The following TBX22 variants were observed in gnomAD, a reference collection of about 807,000 sequenced individuals.
TBX22 encodes T-box transcription factor TBX22.
In TBX22, 8 loss-of-function variants were observed where a neutral mutation model predicts 30.1. That is an observed-to-expected ratio of 0.27 (90% CI 0.16 to 0.48). The LOEUF is 0.48. Ranked by LOEUF, TBX22 falls within the 20% of genes least tolerant of loss-of-function variation. TBX22 has a pLI of 0.99. For synonymous variants in TBX22, 173 were observed against 149.1 expected, an observed-to-expected ratio of 1.16 and a Z score of -1.17; for missense variants, 463 against 400.5, an observed-to-expected ratio of 1.16 and a Z score of -1.33.
Position 80,028,090 on chromosome X carries a change from G to A in TBX22, c.949+14G>A. The A allele has an allele frequency of 1.7e-6, 2 of 1,188,457 alleles. No homozygotes were observed. The highest frequency in any genetic ancestry group is 2.3e-6 in the Non-Finnish European group (2 of 876,467). On this transcript the variant is annotated intron_variant, in intron 8 of 8. Coordinates refer to ENST00000373296, the MANE Select transcript of TBX22 (RefSeq NM_001109878.2). ...CAGACACACAAAGTAAGAAAACTTGGAACGTTTGTTTTATTTTTACATATC... is the reference window on the plus strand; with the variant it reads ...CAGACACACAAAGTAAGAAAACTTGAAACGTTTGTTTTATTTTTACATATC...
chrX:80,023,271 TCA>T (rs765854929), intron 3 of TBX22, 31 bp downstream of exon 3: 297 of 1,181,381 alleles, frequency 2.5e-4, no homozygotes, highest in Non-Finnish European at 3.1e-4. Context: ...TTCACAAGGG[TCA>T]CACACATTAG....
chrX:80,023,300 T>C, intron 3 of TBX22, 60 bp downstream of exon 3: 1 of 1,080,414 alleles, frequency 9.3e-7, no homozygotes, highest in Non-Finnish European at 1.3e-6. Flanking sequence ...AATTTACCGC[T>C]CTGGTAAGAT....
intron 5 of TBX22, among the ~76,000 whole-genome samples, chrX:80,026,081 C>A (rs1468640856): frequency 9.0e-6 from 1 of 111,136 alleles, no homozygotes; most frequent in Non-Finnish European, 1.9e-5. Context: ...TTCTCAGGCA[C>A]CTTAGCCTCC....
chrX:80,022,097 A>G, intron 1 of TBX22, 171 bp from the exon 2 acceptor site: 1 of 467,274 alleles, frequency 2.1e-6, no homozygotes, highest in Non-Finnish European at 3.7e-6. Flanking sequence ...AGATCCAGAA[A>G]TTGTTTTTCA....
chrX:80,020,289 T>TTAGA (rs3048745), intron 1 of TBX22, among the ~76,000 whole-genome samples: 3,800 of 104,628 alleles, frequency 0.036, 100 homozygotes, highest in African/African-American at 0.077. Flanking sequence ...TAGAGATAGA[T>TTAGA]TAGATAGATA....
At chrX:80,022,518 C>T (rs759639633) in intron 2 of TBX22, 74 bp downstream of exon 2, 2 of 1,059,662 alleles carry the variant, frequency 1.9e-6, no homozygotes, top group Admixed American at 5.2e-5. Context: ...GCTCGCGTCC[C>T]GACGCAGCCA....
Position 80,030,564 on chromosome X carries a change from T to C in TBX22, c.1016T>C (p.Leu339Pro). ...GGAPSPLNSL[L>P]SPLCFSPMFH... is the part of the protein sequence containing the mutation. ...GCCCCCTCTCCTTTGAACTCCTTAC[T>C]TTCTCCACTTTGCTTTTCACCTATG... Residue 339 changes from leucine (L) to proline (P), a missense_variant, in exon 9 of 9, where the codon CTT becomes CCT. Coordinates refer to ENST00000373296, the MANE Select transcript of TBX22 (RefSeq NM_001109878.2). 1 of 1,211,493 alleles carries C rather than the reference T, an allele frequency of 8.3e-7. No individual in the cohort carries two copies. Among genetic ancestry groups the C allele is most frequent in the Non-Finnish European group, 1.1e-6 (1 of 895,306 alleles).
chrX:80,015,598 G>A (rs1453506464), intron 1 of TBX22, among the ~76,000 whole-genome samples: 2 of 111,972 alleles, frequency 1.8e-5, no homozygotes, highest in Admixed American at 1.9e-4. Flanking sequence ...TTTCTTACCA[G>A]AGCTTGAGCT....
intron 6 of TBX22, 101 bp downstream of exon 6, chrX:80,026,969 T>G: frequency 1.2e-6 from 1 of 862,181 alleles, no homozygotes; most frequent in Non-Finnish European, 1.7e-6. Flanking sequence ...TCCACAATTC[T>G]AAATAAAAAT....
At chrX:80,022,561 AC>A in intron 2 of TBX22, 117 bp downstream of exon 2, 2 of 738,223 alleles carry the variant, frequency 2.7e-6, no homozygotes, top group Non-Finnish European at 4.1e-6. Context: ...AGACACCTCG[AC>A]CACCTGGTGA....
chrX:80,020,113 T>C (rs1361915775), intron 1 of TBX22, among the ~76,000 whole-genome samples: 1 of 111,376 alleles, frequency 9.0e-6, no homozygotes, highest in Non-Finnish European at 1.9e-5. Context: ...CTTTTAACAA[T>C]AAATTGAGCT....
intron 6 of TBX22, 23 bp downstream of exon 6, chrX:80,026,891 C>T (rs746099933): frequency 2.5e-5 from 30 of 1,204,906 alleles, no homozygotes; most frequent in East Asian, 5.9e-5. Context: ...ATGTCTCAGG[C>T]GAATGGAAAT....
At chrX:80,015,715 T>C (rs1395850156) in intron 1 of TBX22, among the ~76,000 whole-genome samples, 1 of 112,120 alleles carries the variant, frequency 8.9e-6, no homozygotes, top group Non-Finnish European at 1.9e-5. Context: ...ATAAAAGGCA[T>C]GTCAAGGAGT....
rs774836026 is a variant in TBX22, at chrX:80,026,772, C to T, written c.702C>T (p.Asp234=). 1.7e-5 allele frequency: 20 copies of T among 1,210,862 alleles called. No homozygotes were observed. Among genetic ancestry groups the T allele is most frequent in the Admixed American group, 6.5e-5 (3 of 46,034 alleles). The change falls in exon 6 of 9, where the codon GAC becomes GAT. Residue 234 remains aspartate (D), a synonymous_variant. Transcript: ENST00000373296. ...TGATAGAGCAAGGCAGCAGTGTTGACCTGTCCCAGATTCAGTCCTTGCCCA... is the reference window on the plus strand; with the variant it reads ...TGATAGAGCAAGGCAGCAGTGTTGATCTGTCCCAGATTCAGTCCTTGCCCA... ...VHVIEQGSSV[D]LSQIQSLPTE... is the part of the protein sequence containing the mutation.
Position 80,023,246 on chromosome X carries a change from G to T in TBX22, c.356+6G>T. The T allele has an allele frequency of 8.3e-7, 1 of 1,209,581 alleles. No individual in the cohort carries two copies. The highest frequency in any genetic ancestry group is 1.1e-6 in the Non-Finnish European group (1 of 893,598). On this transcript the variant is annotated splice_donor_region_variant and intron_variant, in intron 3 of 8. Coordinates refer to ENST00000373296, the MANE Select transcript of TBX22 (RefSeq NM_001109878.2). ...ATCATTACTAAAGCGGGCAGGTTCG[G>T]TTCTGCCCAAGCTGTTCACAAGGGT...
intron 1 of TBX22, among the ~76,000 whole-genome samples, chrX:80,016,070 A>G (rs1409987928): frequency 2.7e-5 from 3 of 111,641 alleles, no homozygotes; most frequent in East Asian, 5.6e-4. Context: ...CCCTCAGCCT[A>G]CTACCAAATA....
intron 4 of TBX22, among the ~76,000 whole-genome samples, chrX:80,024,462 T>C (rs745839702): frequency 2.7e-5 from 3 of 111,340 alleles, no homozygotes; most frequent in Non-Finnish European, 5.7e-5. Context: ...TGCTCTGGCC[T>C]TGGTTGTGTA....
chrX:80,021,819 T>C (rs757057645), intron 1 of TBX22, among the ~76,000 whole-genome samples: 20 of 112,167 alleles, frequency 1.8e-4, no homozygotes, highest in Admixed American at 1.1e-3. Flanking sequence ...TGAGCCGCCA[T>C]TGGCGGCAGG....
At chrX:80,022,957 G>T in intron 2 of TBX22, 103 bp from the exon 3 acceptor site, 1 of 842,944 alleles carries the variant, frequency 1.2e-6, no homozygotes, top group Non-Finnish European at 1.7e-6. Context: ...AGTTCCTGGG[G>T]AAGGGACAAG....
Sources: allele counts gnomAD v4.1 joint callset (sites outside exome capture counted in the v4.1 genomes callset), GRCh38; gene constraint gnomAD v4.1.1; transcripts MANE v1.5; gene names NCBI Gene and HGNC (gene_info 2026-07-23, HGNC 2026-07-21).